ZNF536: variants seen among roughly 807,000 people sequenced by gnomAD.
ZNF536 encodes zinc finger protein 536.
Under a neutral mutation model 84.5 loss-of-function variants are expected in ZNF536, and 13 were observed. That is an observed-to-expected ratio of 0.15 (90% CI 0.10 to 0.24). The LOEUF (loss-of-function observed/expected upper bound fraction) is 0.24. Ranked by LOEUF, ZNF536 falls within the 10% of genes least tolerant of loss-of-function variation. The pLI is 1.00. For missense variants in ZNF536, 1,536 were observed against 1,747.5 expected (o/e 0.88, Z 2.16); for synonymous variants, 811 against 742.5 (o/e 1.09, Z -1.50).
intron 1 of ZNF536, among the ~76,000 whole-genome samples, chr19:30,377,458 C>T (rs905963870): frequency 2.0e-5 from 3 of 151,968 alleles, no homozygotes; most frequent in South Asian, 2.1e-4. Flanking sequence ...GAATTCAGGG[C>T]GAGTCCGCAG....
chr19:30,494,307 A>G (rs922401009), intron 2 of ZNF536, among the ~76,000 whole-genome samples: 1 of 152,202 alleles, frequency 6.6e-6, no homozygotes, highest in Non-Finnish European at 1.5e-5. Context: ...ACAAGTGGAC[A>G]CTTTGCACTA....
At chr19:30,588,357 C>T (rs2047166009) in intron 1 of ZNF536, among the ~76,000 whole-genome samples, 1 of 152,138 alleles carries the variant, frequency 6.6e-6, no homozygotes, top group Admixed American at 6.5e-5. Flanking sequence ...GGGTCCTGAT[C>T]ACCATGGTCA....
intron 1 of ZNF536, among the ~76,000 whole-genome samples, chr19:30,413,653 T>C (rs759944790): frequency 5.3e-5 from 8 of 152,214 alleles, no homozygotes; most frequent in Non-Finnish European, 1.2e-4. Flanking sequence ...GATAACCTTT[T>C]CCATGATGAA....
intron 2 of ZNF536, among the ~76,000 whole-genome samples, chr19:30,329,967 A>G (rs1398656196): frequency 6.6e-6 from 1 of 152,214 alleles, no homozygotes; most frequent in Non-Finnish European, 1.5e-5. Context: ...GCAAAGTAAT[A>G]TGGTTTAGGT....
At chr19:30,264,148 C>A (rs1466217474) in intron 1 of ZNF536, among the ~76,000 whole-genome samples, 1 of 152,190 alleles carries the variant, frequency 6.6e-6, no homozygotes, top group Non-Finnish European at 1.5e-5. Flanking sequence ...GCCAATGAAG[C>A]CGGCTGGTGA....
At chr19:30,632,098 G>C (rs911312660) in intron 1 of ZNF536, among the ~76,000 whole-genome samples, 2 of 152,230 alleles carry the variant, frequency 1.3e-5, no homozygotes, top group Non-Finnish European at 2.9e-5. Context: ...ACAGAGGACA[G>C]AATGGGACCG....
At chr19:30,437,327 C>T (rs1234784845) in intron 1 of ZNF536, among the ~76,000 whole-genome samples, 2 of 152,092 alleles carry the variant, frequency 1.3e-5, no homozygotes, top group African/African-American at 2.4e-5. Flanking sequence ...TCATTGATAT[C>T]ACAGGAAATA....
chr19:30,565,167 CTTT>C (rs75043710), intron 1 of ZNF536, among the ~76,000 whole-genome samples: 5 of 142,406 alleles, frequency 3.5e-5, no homozygotes, highest in Non-Finnish European at 3.1e-5. Flanking sequence ...GACCCCTTTC[CTTT>C]TTTTTTTTTT....
intron 1 of ZNF536, among the ~76,000 whole-genome samples, chr19:30,653,014 C>T (rs1037751775): frequency 2.0e-5 from 3 of 152,268 alleles, no homozygotes; most frequent in East Asian, 1.9e-4. Flanking sequence ...GACCGAATGG[C>T]GGCTATTTCT....
At chr19:30,357,642 A>G (rs1201425048) in intron 3 of ZNF536, among the ~76,000 whole-genome samples, 2 of 152,120 alleles carry the variant, frequency 1.3e-5, no homozygotes, top group African/African-American at 4.8e-5. Context: ...TCGGTGCAAG[A>G]AAGATGGACA....
At chr19:30,673,351 A>T (rs1232970526) in intron 1 of ZNF536, among the ~76,000 whole-genome samples, 2 of 151,826 alleles carry the variant, frequency 1.3e-5, no homozygotes, top group Non-Finnish European at 2.9e-5. Flanking sequence ...TCCAATATGA[A>T]TTTTTTCAGT....
chr19:30,434,602 T>C (rs2051625538), intron 1 of ZNF536, among the ~76,000 whole-genome samples: 1 of 152,226 alleles, frequency 6.6e-6, no homozygotes, highest in Admixed American at 6.5e-5. Flanking sequence ...TCATCTAAGA[T>C]TGTATAAGGC....
At chr19:30,416,907 C>A (rs901348182) in intron 1 of ZNF536, among the ~76,000 whole-genome samples, 18 of 152,222 alleles carry the variant, frequency 1.2e-4, no homozygotes, top group African/African-American at 4.3e-4. Context: ...TTTTCAAGTT[C>A]TTTCCCCACA....
chr19:30,701,436 GACACAAACACACAGAA>G (rs1206509976), intron 1 of ZNF536, among the ~76,000 whole-genome samples: 1 of 116,854 alleles, frequency 8.6e-6, no homozygotes, highest in Non-Finnish European at 1.8e-5. Context: ...CACACACACA[GACACAAACACACAGAA>G]ACACAAACAC....
chr19:30,669,659 T>A (rs2050468846), intron 1 of ZNF536, among the ~76,000 whole-genome samples: 1 of 152,176 alleles, frequency 6.6e-6, no homozygotes, highest in Non-Finnish European at 1.5e-5. Flanking sequence ...GGCTCCACTT[T>A]CCCTAAAACC....
At chr19:30,251,427 T>C (rs1281589101) in intron 1 of ZNF536, among the ~76,000 whole-genome samples, 1 of 152,114 alleles carries the variant, frequency 6.6e-6, no homozygotes, top group African/African-American at 2.4e-5. Context: ...ACTTTTTCTA[T>C]AATGTGTTGA....
At chr19:30,502,382 A>G (rs2054986265) in intron 2 of ZNF536, among the ~76,000 whole-genome samples, 1 of 151,950 alleles carries the variant, frequency 6.6e-6, no homozygotes, top group Non-Finnish European at 1.5e-5. Context: ...GGGGCAGTGG[A>G]GTAGATATTT....
intron 2 of ZNF536, among the ~76,000 whole-genome samples, chr19:30,337,166 A>G (rs554230284): frequency 2.0e-5 from 3 of 152,030 alleles, no homozygotes; most frequent in Non-Finnish European, 4.4e-5. Flanking sequence ...ATCACCCTCA[A>G]GGGAGACTGA....
At chr19:30,429,331 G>A (rs1014581825) in intron 1 of ZNF536, among the ~76,000 whole-genome samples, 3 of 152,146 alleles carry the variant, frequency 2.0e-5, no homozygotes, top group Admixed American at 1.3e-4. Context: ...GCCCCTGAGG[G>A]CATCCTATTT....
Sources: gnomAD v4.1 joint callset for allele counts (sites outside exome capture counted in the v4.1 genomes callset) on GRCh38, gnomAD v4.1.1 for gene constraint, MANE v1.5 for transcripts, NCBI Gene and HGNC (gene_info 2026-07-23, HGNC 2026-07-21) for gene names.